The following RASAL2 variants were observed in gnomAD, a reference collection of about 807,000 sequenced individuals.
RASAL2 encodes the protein ras GTPase-activating protein nGAP.
Under a neutral mutation model 128.9 loss-of-function variants are expected in RASAL2, and 58 were observed. The ratio of observed to expected loss-of-function variants is 0.45; its 90% CI spans 0.36 to 0.56. RASAL2 has a LOEUF of 0.56. Ranked by LOEUF, RASAL2 falls within the 20% of genes least tolerant of loss-of-function variation. RASAL2 has a pLI of 0.00. For synonymous variants in RASAL2, 561 were observed against 580.8 expected, an observed-to-expected ratio of 0.97 and a Z score of 0.49; for missense variants, 1,360 against 1,601.6, an observed-to-expected ratio of 0.85 and a Z score of 2.57.
At chr1:178,368,583 T>A (rs1410454567) in intron 3 of RASAL2, among the ~76,000 whole-genome samples, 1 of 152,034 alleles carries the variant, frequency 6.6e-6, no homozygotes, top group Non-Finnish European at 1.5e-5. Flanking sequence ...ACTGCCAAAA[T>A]GTATGGGATT....
At chr1:178,235,784 A>G (rs1438497874) in intron 1 of RASAL2, among the ~76,000 whole-genome samples, 1 of 152,158 alleles carries the variant, frequency 6.6e-6, no homozygotes, top group Non-Finnish European at 1.5e-5. Context: ...GTGGTTTTCT[A>G]ACCTTTTGCA....
chr1:178,265,611 T>A (rs1455262585), intron 1 of RASAL2, among the ~76,000 whole-genome samples: 1 of 152,242 alleles, frequency 6.6e-6, no homozygotes, highest in Non-Finnish European at 1.5e-5. Flanking sequence ...TCCAGTCTTT[T>A]TCAAGTAAAC....
chr1:178,463,011 T>G lies in RASAL2; in HGVS notation c.3253-1267T>G, dbSNP rs115614154. Among the ~76,000 whole-genome samples the G allele has an allele frequency of 2.7e-3, 414 of 152,278 alleles. 4 individuals are homozygous for G. The highest frequency in any genetic ancestry group is 9.6e-3 in the African/African-American group (401 of 41,588). On this transcript the variant is annotated intron_variant, in intron 14 of 17. Transcript: ENST00000367649. Reference sequence around the variant, plus strand: ...GCCTTTTAGTCTCTGCAATCAGTTTTTTAATCTGGTCTTCCTCACTCTCCA... The same window carrying G: ...GCCTTTTAGTCTCTGCAATCAGTTTGTTAATCTGGTCTTCCTCACTCTCCA...
At chr1:178,197,385 C>T (rs1045163166) in intron 1 of RASAL2, among the ~76,000 whole-genome samples, 4 of 151,696 alleles carry the variant, frequency 2.6e-5, no homozygotes, top group Non-Finnish European at 4.4e-5. Flanking sequence ...ACCTGGGAGG[C>T]AGAGGTTGCA....
chr1:178,445,721 A>AC (rs887020203), intron 9 of RASAL2, 59 bp downstream of exon 9: 5 of 1,503,256 alleles, frequency 3.3e-6, no homozygotes, highest in Non-Finnish European at 4.5e-6. Context: ...AAGCTATTTC[A>AC]CCCCCATGAG....
chr1:178,180,862 A>C (rs1177440891), intron 1 of RASAL2, among the ~76,000 whole-genome samples: 2 of 152,102 alleles, frequency 1.3e-5, no homozygotes, highest in Non-Finnish European at 2.9e-5. Context: ...AAATAGCCAA[A>C]GACATAATTG....
At chr1:178,257,696 A>C (rs1222620281) in intron 1 of RASAL2, among the ~76,000 whole-genome samples, 1 of 151,910 alleles carries the variant, frequency 6.6e-6, no homozygotes, top group Non-Finnish European at 1.5e-5. Flanking sequence ...AATACAAAAA[A>C]TTAGGCTTGG....
chr1:178,457,668 T>C lies in RASAL2; in HGVS notation c.2391-15T>C, dbSNP rs1264176899. On this transcript the variant is annotated splice_polypyrimidine_tract_variant and intron_variant, in intron 13 of 17. Coordinates refer to ENST00000367649, the MANE Select transcript of RASAL2 (RefSeq NM_170692.4). ...TTGTCTCAAGAGAAATTAAGTGTCC[T>C]TTCCTTTTCCACAGTGATTTGCATA... 1.9e-6 allele frequency: 3 copies of C among 1,605,856 alleles called. No individual in the cohort carries two copies. Among genetic ancestry groups the C allele is most frequent in the Non-Finnish European group, 2.6e-6 (3 of 1,175,390 alleles).
chr1:178,456,669 G>A, intron 12 of RASAL2, 52 bp from the exon 13 acceptor site: 2 of 1,592,802 alleles, frequency 1.3e-6, no homozygotes, highest in Non-Finnish European at 8.6e-7. Context: ...ACAATCTGTG[G>A]TGGATGTCGC....
At chr1:178,216,787 G>A (rs1285197206) in intron 1 of RASAL2, among the ~76,000 whole-genome samples, 1 of 152,136 alleles carries the variant, frequency 6.6e-6, no homozygotes, top group East Asian at 1.9e-4. Context: ...TTACAGGTGT[G>A]TGCCACTGTG....
chr1:178,302,779 C>T (rs971823607), intron 3 of RASAL2, among the ~76,000 whole-genome samples: 1 of 152,148 alleles, frequency 6.6e-6, no homozygotes. Context: ...CAGTGGTTCA[C>T]GCCTATAATC....
chr1:178,180,483 ACC>A (rs1320836930), intron 1 of RASAL2, among the ~76,000 whole-genome samples: 1 of 43,618 alleles, frequency 2.3e-5, no homozygotes, highest in East Asian at 6.8e-4. Flanking sequence ...CCTCATCTCT[ACC>A]AAAAAAAAAA....
In RASAL2 at chr1:178,094,638, T is replaced by C. The variant is rs758621740; in HGVS notation, c.146T>C (p.Leu49Ser). ...AGTGGAGCCGTCGCCGGTGGCATGT[T>C]GGATCGGATCCTTCTGGAGTCCGTG... is the stretch of plus-strand genomic sequence containing the variant. ...PVSGAVAGGM[L>S]DRILLESVCQ... The change falls in exon 1 of 18, where the codon TTG becomes TCG. Residue 49 changes from leucine to serine, a missense_variant. By Grantham distance (145) the Leu-to-Ser change is moderately radical. Around this residue, in one of 3 missense-constraint regions of RASAL2, gnomAD observed 617 missense variants for 714.2 expected, o/e 0.86. Coordinates refer to ENST00000367649, the MANE Select transcript of RASAL2 (RefSeq NM_170692.4). 6.2e-7 allele frequency: 1 copy of C among 1,614,036 alleles called. No homozygotes were observed. Among genetic ancestry groups the C allele is most frequent in the South Asian group, 1.1e-5 (1 of 91,056 alleles).
chr1:178,215,789 A>G (rs997371725), intron 1 of RASAL2, among the ~76,000 whole-genome samples: 11 of 152,200 alleles, frequency 7.2e-5, no homozygotes, highest in Admixed American at 2.0e-4. Flanking sequence ...CTGAAGACAC[A>G]AAGAATTATC....
intron 1 of RASAL2, among the ~76,000 whole-genome samples, chr1:178,115,313 G>A (rs1659487444): frequency 6.6e-6 from 1 of 152,194 alleles, no homozygotes; most frequent in South Asian, 2.1e-4. Context: ...AATCCTTAAT[G>A]ATGTTACCTC....
At chr1:178,398,821 A>G (rs1673428852) in intron 4 of RASAL2, among the ~76,000 whole-genome samples, 1 of 152,006 alleles carries the variant, frequency 6.6e-6, no homozygotes. Context: ...GATCTTGTCT[A>G]CCTCTCTTCA....
At chr1:178,306,526 T>C (rs953335318) in intron 3 of RASAL2, among the ~76,000 whole-genome samples, 2 of 152,066 alleles carry the variant, frequency 1.3e-5, no homozygotes, top group African/African-American at 4.8e-5. Context: ...AGTGTAAAAG[T>C]GTTCCTATTT....
At chr1:178,134,557 A>G (rs923358722) in intron 1 of RASAL2, among the ~76,000 whole-genome samples, 3 of 151,978 alleles carry the variant, frequency 2.0e-5, no homozygotes, top group Admixed American at 2.0e-4. Context: ...TTCGTATTCT[A>G]ATTGCAGGAG....
rs1671159121 is a variant in RASAL2 at position 178,362,270 on chromosome 1, A to G, written c.458-27830A>G. Among the ~76,000 whole-genome samples the G allele has an allele frequency of 2.0e-5, 3 of 152,332 alleles. No individual in the cohort carries two copies. In the South Asian group the frequency reaches 6.2e-4, roughly 32 times the overall value. On this transcript the variant is annotated intron_variant, in intron 3 of 17. Transcript: ENST00000367649. ...TGTGCCCTCTTTTATCAGGGATTTA[A>G]GCATCCATGGATTTTGATGTCTGTA...
Sources: gnomAD v4.1 joint callset for allele counts (sites outside exome capture counted in the v4.1 genomes callset) on GRCh38, gnomAD v4.1.1 for gene constraint, gnomAD v4.1.1 regional missense constraint, MANE v1.5 for transcripts, NCBI Gene and HGNC (gene_info 2026-07-23, HGNC 2026-07-21) for gene names.